RAP1GAP2: variants seen among roughly 807,000 people sequenced by gnomAD.
RAP1GAP2 encodes the protein RAP1 GTPase activating protein 2.
A neutral mutation model predicts 95.0 loss-of-function variants in RAP1GAP2; 27 were observed. That is an observed-to-expected ratio of 0.28 (90% CI 0.21 to 0.39). The LOEUF is 0.39. Ranked by LOEUF, RAP1GAP2 falls within the 10% of genes least tolerant of loss-of-function variation. The pLI is 1.00. For synonymous variants in RAP1GAP2, 373 were observed against 380.9 expected (o/e 0.98, Z 0.24); for missense variants, 771 against 970.0 (o/e 0.79, Z 2.72).
At chr17:3,018,023 C>T (rs532109629) in intron 17 of RAP1GAP2, 38 bp from the exon 18 acceptor site, 8 of 1,550,884 alleles carry the variant, frequency 5.2e-6, no homozygotes, top group African/African-American at 1.4e-5. Context: ...CCGGAGAGCC[C>T]GGGTGCTGAT....
chr17:2,970,114 A>C (rs2044791801), intron 8 of RAP1GAP2, among the ~76,000 whole-genome samples: 1 of 151,706 alleles, frequency 6.6e-6, no homozygotes, highest in Admixed American at 6.6e-5. Context: ...TCTCTACTAA[A>C]AATACAAAAA....
At position 3,027,086 on chromosome 17, in the gene RAP1GAP2, T is replaced by A. The variant is rs2047146378; in HGVS notation, c.2107+16T>A. On this transcript the variant is annotated intron_variant, in intron 22 of 24. Transcript: ENST00000254695. This position sits in a 1 kb window ranked among gnomAD's most constrained non-coding sequence, Gnocchi z 5.2. Reference sequence around the variant, plus strand: ...AGTCCCACAGGTCAGTGGCATCTGGTGGTGTGTGTGACGTCACCAGGAGGG... The same window carrying A: ...AGTCCCACAGGTCAGTGGCATCTGGAGGTGTGTGTGACGTCACCAGGAGGG... The A allele has an allele frequency of 6.4e-7, 1 of 1,566,748 alleles. No homozygotes were observed.
At chr17:2,777,944 AGGAGGCTGGGAGGCTGGGAGGCGG>A (rs1286219147) in intron 1 of RAP1GAP2, among the ~76,000 whole-genome samples, 58 of 115,682 alleles carry the variant, frequency 5.0e-4, no homozygotes, top group East Asian at 4.0e-3. Flanking sequence ...CACAGCTGCC[AGGAGGCTGGGAGGCTGGGAGGCGG>A]GGAGGCTGGG....
intron 2 of RAP1GAP2, among the ~76,000 whole-genome samples, chr17:2,885,625 A>G (rs76606816): frequency 8.8e-4 from 134 of 152,152 alleles, no homozygotes; most frequent in East Asian, 5.4e-3. Context: ...CACCACGTAC[A>G]CTCAGTTCTG....
chr17:2,995,596 C>A, intron 13 of RAP1GAP2, 130 bp downstream of exon 13: 1 of 1,278,240 alleles, frequency 7.8e-7, no homozygotes, highest in Non-Finnish European at 1.1e-6. Context: ...TTCAGCTGCG[C>A]AGCAGCGTCA....
At chr17:2,781,544 G>A (rs1040144839) in intron 1 of RAP1GAP2, among the ~76,000 whole-genome samples, 10 of 151,650 alleles carry the variant, frequency 6.6e-5, no homozygotes, top group African/African-American at 1.5e-4. Flanking sequence ...GTGTGAGCAC[G>A]TCTCTGTGTG....
chr17:3,018,124 A>G lies in RAP1GAP2; in HGVS notation c.1558A>G (p.Ser520Gly), dbSNP rs2151639353. ...TMVGGQKKSH[S>G]GGIPGSLSGG... The stretch of plus-strand genomic sequence containing the variant: ...GGTGGGCGGCCAGAAGAAGTCGCAC[A>G]GTGGGGGCATCCCTGGCAGCCTCAG... Residue 520 changes from serine to glycine, a missense_variant, in exon 18 of 25, where the codon AGT (serine) becomes GGT (glycine). Ser to Gly is a moderately conservative substitution (Grantham distance 56, BLOSUM62 0). Transcript: ENST00000254695. 2 of 1,589,664 alleles carry G rather than the reference A, an allele frequency of 1.3e-6. No homozygotes were observed. The highest frequency in any genetic ancestry group is 1.7e-6 in the Non-Finnish European group (2 of 1,168,544).
In RAP1GAP2 at chr17:2,764,459, A is replaced by C. The variant is rs1347582128; in HGVS notation, c.51-5870A>C. 4.0e-5 allele frequency among the ~76,000 whole-genome samples: 6 copies of C among 151,792 alleles called. No homozygotes were observed. In the East Asian group the frequency reaches 9.8e-4, roughly 25 times the overall value. ...AATAGAAGGCCAGGCGCGGTGGCTC[A>C]CGCCTGTAATCCTAGCACTTTGGGA... On this transcript the variant is annotated intron_variant, in intron 1 of 25. Coordinates refer to the RAP1GAP2 transcript ENST00000637138.
chr17:2,790,473 A>G (rs1223737974), intron 1 of RAP1GAP2, among the ~76,000 whole-genome samples: 2 of 152,176 alleles, frequency 1.3e-5, no homozygotes, highest in Non-Finnish European at 2.9e-5. Flanking sequence ...GGCCAGTCTA[A>G]GTCTCCCCTT....
In RAP1GAP2 at chr17:3,020,577, G is replaced by A. The variant is rs2046927709; in HGVS notation, c.1733G>A (p.Gly578Asp). The A allele has an allele frequency of 6.2e-7, 1 of 1,613,746 alleles. No individual in the cohort carries two copies. The highest frequency in any genetic ancestry group is 8.5e-7 in the Non-Finnish European group (1 of 1,179,832). The change falls in exon 19 of 25, where the codon GGC becomes GAC. Residue 578 changes from glycine (G) to aspartate (D), a missense_variant. Gly to Asp is a moderately conservative substitution (Grantham distance 94, BLOSUM62 -1). Coordinates refer to ENST00000254695, the MANE Select transcript of RAP1GAP2 (RefSeq NM_015085.5). ...CTGCACACGGGCTCAGAAGGCCAGG[G>A]CGACAGCCGGGCACGATGGTAACTG... is the stretch of plus-strand genomic sequence containing the variant. ...PRLHTGSEGQ[G>D]DSRARCDSTS... is the part of the protein sequence containing the mutation.
intron 8 of RAP1GAP2, among the ~76,000 whole-genome samples, chr17:2,974,615 T>G (rs1297694318): frequency 1.3e-5 from 2 of 152,032 alleles, no homozygotes; most frequent in Non-Finnish European, 2.9e-5. Context: ...TTTTGCATGT[T>G]TAAAAGGAGG....
At chr17:3,000,384 G>A (rs1319139257) in intron 14 of RAP1GAP2, among the ~76,000 whole-genome samples, 1 of 152,056 alleles carries the variant, frequency 6.6e-6, no homozygotes, top group African/African-American at 2.4e-5. Context: ...AGGCTGGAAT[G>A]GGGCTCGTGG....
At position 3,030,934 on chromosome 17, in the gene RAP1GAP2, G is replaced by T. The variant is rs531382074; in HGVS notation, c.2120G>T (p.Arg707Ile). Residue 707 changes from arginine (R) to isoleucine (I), a missense_variant, in exon 23 of 25, where the codon AGA (arginine) becomes ATA (isoleucine). Arg to Ile is a moderately conservative substitution (Grantham distance 97, BLOSUM62 -3). Coordinates refer to ENST00000254695, the MANE Select transcript of RAP1GAP2 (RefSeq NM_015085.5). ...TTCTTTTTCTTAGATGCCAAAAGCA[G>T]AAACTCCCCGAGATCGAACCTGAAA... ...MSRSPTDAKS[R>I]NSPRSNLKFR... is the part of the protein sequence containing the mutation. 6.2e-7 allele frequency: 1 copy of T among 1,610,482 alleles called. No individual in the cohort carries two copies. The highest frequency in any genetic ancestry group is 1.1e-5 in the South Asian group (1 of 90,482).
intron 16 of RAP1GAP2, among the ~76,000 whole-genome samples, chr17:3,007,194 A>G (rs1277527878): frequency 6.6e-6 from 1 of 151,928 alleles, no homozygotes; most frequent in African/African-American, 2.4e-5. Context: ...TCAGCCGGAG[A>G]TGTTGGTTGG....
chr17:2,843,165 G>A (rs2071438466), intron 2 of RAP1GAP2, among the ~76,000 whole-genome samples: 1 of 152,116 alleles, frequency 6.6e-6, no homozygotes, highest in East Asian at 1.9e-4. Flanking sequence ...AAGAAAACAA[G>A]CCAGCGGCTA....
intron 14 of RAP1GAP2, among the ~76,000 whole-genome samples, chr17:3,001,628 A>G (rs567478957): frequency 4.1e-5 from 6 of 147,782 alleles, no homozygotes; most frequent in East Asian, 2.0e-4. Flanking sequence ...CGGAGAAGGG[A>G]TAGAAGAAGC....
At chr17:2,830,584 G>T (rs1289967939) in intron 2 of RAP1GAP2, among the ~76,000 whole-genome samples, 1 of 151,562 alleles carries the variant, frequency 6.6e-6, no homozygotes. Context: ...CGTGGTGGCG[G>T]GCGCCTGTAG....
intron 17 of RAP1GAP2, among the ~76,000 whole-genome samples, chr17:3,010,516 G>A (rs771383509): frequency 3.3e-5 from 5 of 152,100 alleles, no homozygotes; most frequent in Non-Finnish European, 7.3e-5. Context: ...GATGCTTGTA[G>A]GCTGTGGACA....
chr17:2,876,070 T>G (rs1446886018), intron 2 of RAP1GAP2, among the ~76,000 whole-genome samples: 1 of 151,832 alleles, frequency 6.6e-6, no homozygotes, highest in African/African-American at 2.4e-5. Flanking sequence ...CCCGAGTGGC[T>G]GGGACTACAG....
Sources: allele counts gnomAD v4.1 joint callset (sites outside exome capture counted in the v4.1 genomes callset), GRCh38; gene constraint gnomAD v4.1.1; non-coding constraint Gnocchi (gnomAD v3.1); transcripts MANE v1.5; gene names NCBI Gene and HGNC (gene_info 2026-07-23, HGNC 2026-07-21).